DENND4A: variants seen among roughly 807,000 people sequenced by gnomAD.
The protein encoded by DENND4A is DENN domain containing 4A, also known as C-myc promoter-binding protein.
In DENND4A, 70 loss-of-function variants were observed where a neutral mutation model predicts 199.3. The ratio of observed to expected loss-of-function variants is 0.35; its 90% CI spans 0.29 to 0.43. DENND4A has a LOEUF of 0.43. Ranked by LOEUF, DENND4A falls within the 20% of genes least tolerant of loss-of-function variation. The pLI, the probability that DENND4A is intolerant of heterozygous loss-of-function variation, is 1.00. For synonymous variants in DENND4A, 686 were observed against 766.9 expected, an observed-to-expected ratio of 0.89 and a Z score of 1.74; for missense variants, 1,723 against 2,255.8, an observed-to-expected ratio of 0.76 and a Z score of 4.78.
chr15:65,674,762 GTTACAC>G (rs1051886465), intron 24 of DENND4A, among the ~76,000 whole-genome samples: 6 of 150,242 alleles, frequency 4.0e-5, no homozygotes, highest in Non-Finnish European at 7.4e-5. Flanking sequence ...CACATTATAT[GTTACAC>G]TTAAATAGTT....
chr15:65,692,568 T>A (rs888920116), intron 22 of DENND4A, among the ~76,000 whole-genome samples: 1 of 152,184 alleles, frequency 6.6e-6, no homozygotes, highest in African/African-American at 2.4e-5. Context: ...GGGCAAGAGA[T>A]AAGAGTGGAT....
At position 65,659,506 on chromosome 15, in the gene DENND4A, A is replaced by G. The variant is rs939510502; in HGVS notation, c.*2345T>C. ...ATGAGCCACCATACCGAGCAAATTTAAAAAATTTTTTTGTAGAGACAGGGT... is the reference window on the plus strand; with the variant it reads ...ATGAGCCACCATACCGAGCAAATTTGAAAAATTTTTTTGTAGAGACAGGGT... On this transcript the variant is annotated 3_prime_UTR_variant, in exon 33 of 33. Transcript: ENST00000443035. 1 of 151,124 alleles carries G rather than the reference A, an allele frequency of 6.6e-6. No individual in the cohort carries two copies. Among genetic ancestry groups the G allele is most frequent in the South Asian group, 2.1e-4 (1 of 4,788 alleles). 9.4% of individuals were successfully genotyped at this position (151,124 alleles called of 1,614,324 possible). A position where few individuals can be genotyped will look rare whatever the true frequency, so the allele number is the denominator to read the frequency against.
At chr15:65,691,539 C>T in intron 22 of DENND4A, 28 bp from the exon 23 acceptor site, 3 of 1,509,336 alleles carry the variant, frequency 2.0e-6, no homozygotes, top group Non-Finnish European at 2.6e-6. Flanking sequence ...TGCTTTTAGC[C>T]ATGAAAATAT....
rs2077053895 is a variant in DENND4A, at chr15:65,768,903, A to T, written c.-101-7465T>A. On this transcript the variant is annotated intron_variant, in intron 1 of 32. Coordinates refer to ENST00000443035, the MANE Select transcript of DENND4A (RefSeq NM_001320835.1). ...CAGGTACTCGGGTGGCTGAGACAGG[A>T]GAATTGCTTCAACCCTGGAGGCAGA... Among the ~76,000 whole-genome samples the T allele has an allele frequency of 3.3e-5, 5 of 152,018 alleles. No homozygotes were observed. In the South Asian group the frequency reaches 1.0e-3, roughly 32 times the overall value.
intron 5 of DENND4A, among the ~76,000 whole-genome samples, chr15:65,741,444 T>A (rs1426385874): frequency 6.6e-6 from 1 of 152,220 alleles, no homozygotes; most frequent in Admixed American, 6.5e-5. Flanking sequence ...CATTTTACCA[T>A]ATTTCTGCTG....
rs74023362 is a variant in DENND4A, at chr15:65,691,588, A to G, written c.3083-77T>C. On this transcript the variant is annotated intron_variant, in intron 22 of 32. Transcript: ENST00000443035. Reference sequence around the variant, plus strand: ...AGTCATCTTAAATATTTAAAATTCTAGTGATGAAAATGATAATAGCAAGCA... The same window carrying G: ...AGTCATCTTAAATATTTAAAATTCTGGTGATGAAAATGATAATAGCAAGCA... The G allele has an allele frequency of 2.0e-3, 2,797 of 1,399,038 alleles. 51 individuals carry two copies. In the African/African-American group the frequency reaches 0.036, roughly 18 times the overall value. The allele number at this position is 1,399,038 out of a possible 1,614,324, so 86.7% of individuals were successfully genotyped here.
In DENND4A at chr15:65,660,491, A is replaced by G; in HGVS notation, c.*1360T>C. 1 of 538,528 alleles carries G rather than the reference A, an allele frequency of 1.9e-6. No homozygotes were observed. The highest frequency in any genetic ancestry group is 2.9e-4 in the Middle Eastern group (1 of 3,478). 33.4% of individuals were successfully genotyped at this position (538,528 alleles called of 1,614,324 possible). A position where few individuals can be genotyped will look rare whatever the true frequency, so the allele number is the denominator to read the frequency against. ...TGGCTAGGGAATTCCTTCACTAATG[A>G]TAATGTGTGCAAACACACACACATA... On this transcript the variant is annotated 3_prime_UTR_variant, in exon 33 of 33. Transcript: ENST00000443035.
At chr15:65,676,228 G>C (rs2076379911) in intron 24 of DENND4A, among the ~76,000 whole-genome samples, 1 of 147,920 alleles carries the variant, frequency 6.8e-6, no homozygotes, top group African/African-American at 2.5e-5. Flanking sequence ...AATAAAAATG[G>C]TTGCTTCTAG....
At chr15:65,679,271 T>C (rs2076490580) in intron 23 of DENND4A, among the ~76,000 whole-genome samples, 4 of 151,586 alleles carry the variant, frequency 2.6e-5, no homozygotes. Flanking sequence ...CCAGCTAATT[T>C]TTTGTATTTT....
intron 2 of DENND4A, among the ~76,000 whole-genome samples, chr15:65,758,987 A>G (rs899087776): frequency 5.9e-5 from 9 of 152,338 alleles, no homozygotes; most frequent in African/African-American, 2.2e-4. Context: ...CTTGTAGACC[A>G]TAAAATCTCA....
At position 65,752,533 on chromosome 15, in the gene DENND4A, G is replaced by A. The variant is rs533004730; in HGVS notation, c.407C>T (p.Ser136Leu). Reference protein sequence around the residue: ...GRPANISGSTSSQRIYITYRR... With the variant: ...GRPANISGSTLSQRIYITYRR... The stretch of plus-strand genomic sequence containing the variant: ...GTAAGTGATATAAATTCTTTGTGAT[G>A]AGGTACTCCCACTAATATTTGCGGG... Residue 136 changes from serine (S) to leucine (L), a missense_variant, in exon 4 of 33, where the codon TCA (serine) becomes TTA (leucine). Ser to Leu is a moderately radical substitution (Grantham distance 145, BLOSUM62 -2). Around this residue, in one of 6 missense-constraint regions of DENND4A, gnomAD observed 725 missense variants for 952.9 expected, o/e 0.76. Transcript: ENST00000443035. 17 of 1,613,456 alleles carry A rather than the reference G, an allele frequency of 1.1e-5. No individual in the cohort carries two copies. Among genetic ancestry groups the A allele is most frequent in the Middle Eastern group, 1.7e-4 (1 of 6,060 alleles).
At chr15:65,776,799 A>G (rs546453632) in intron 1 of DENND4A, among the ~76,000 whole-genome samples, 1 of 152,350 alleles carries the variant, frequency 6.6e-6, no homozygotes, top group Non-Finnish European at 1.5e-5. Flanking sequence ...CAGTGGTGAA[A>G]GACAACATGC....
At chr15:65,772,643 G>A (rs2077165423) in intron 1 of DENND4A, among the ~76,000 whole-genome samples, 2 of 137,762 alleles carry the variant, frequency 1.5e-5, no homozygotes, top group South Asian at 4.8e-4. Context: ...GGAGGCGGAG[G>A]TTGCAGTGGG....
At chr15:65,727,849 C>G (rs2075849359) in intron 11 of DENND4A, 1 of 396,518 alleles carries the variant, frequency 2.5e-6, no homozygotes, top group Admixed American at 3.5e-5. Context: ...AAAAATAGTT[C>G]CGATAGCTAT....
In DENND4A at chr15:65,690,881, C is replaced by T. The variant is rs553744078; in HGVS notation, c.3713G>A (p.Ser1238Asn). The T allele has an allele frequency of 1.2e-6, 2 of 1,610,764 alleles. No homozygotes were observed. The highest frequency in any genetic ancestry group is 2.7e-5 in the African/African-American group (2 of 75,028). The change falls in exon 23 of 33, where the codon AGC (serine) becomes AAC (asparagine). Residue 1238 changes from serine to asparagine, a missense_variant. This residue lies in a region of DENND4A where 650 missense variants were observed against 738.1 expected (regional missense o/e 0.88). Coordinates refer to ENST00000443035, the MANE Select transcript of DENND4A (RefSeq NM_001320835.1). ...EEEEDEDDSKSISTPSARRDL... is the reference protein window; with the variant it reads ...EEEEDEDDSKNISTPSARRDL... ...ACGCCTAGCAGATGGTGTTGAAATG[C>T]TTTTGCTATCATCTTCATCCTCCTC... is the stretch of plus-strand genomic sequence containing the variant.
chr15:65,666,079 TTTCAATAGTCCCCCTTTATC>T (rs2076026703), intron 29 of DENND4A, among the ~76,000 whole-genome samples: 2 of 152,172 alleles, frequency 1.3e-5, no homozygotes. Context: ...GCAATATGAA[TTTCAATAGTCCCCCTTTATC>T]CTCAGCAGCT....
At chr15:65,747,061 G>A (rs748614835) in intron 4 of DENND4A, among the ~76,000 whole-genome samples, 2 of 150,492 alleles carry the variant, frequency 1.3e-5, no homozygotes, top group Non-Finnish European at 2.9e-5. Context: ...AGCCGAGATC[G>A]CACCACTACA....
At chr15:65,673,710 C>T (rs919362919) in intron 24 of DENND4A, among the ~76,000 whole-genome samples, 3 of 151,610 alleles carry the variant, frequency 2.0e-5, no homozygotes, top group Admixed American at 1.3e-4. Context: ...AGGCAGAAAA[C>T]GAGCTGAAAT....
At chr15:65,682,856 GGA>G (rs1213060530) in intron 23 of DENND4A, among the ~76,000 whole-genome samples, 1 of 152,134 alleles carries the variant, frequency 6.6e-6, no homozygotes, top group Non-Finnish European at 1.5e-5. Context: ...CTGAGGAGAG[GGA>G]GAGAGTCAGG....
Sources: allele counts gnomAD v4.1 joint callset (sites outside exome capture counted in the v4.1 genomes callset), GRCh38; gene constraint gnomAD v4.1.1; regional missense constraint gnomAD v4.1.1; transcripts MANE v1.5; gene names NCBI Gene and HGNC (gene_info 2026-07-23, HGNC 2026-07-21).